Variants in GPC5 observed in about 807,000 individuals in gnomAD.
The protein encoded by GPC5 is glypican-5.
Under a neutral mutation model 53.9 loss-of-function variants are expected in GPC5, and 47 were observed. That is an observed-to-expected ratio of 0.87 (90% CI 0.69 to 1.11). The LOEUF is 1.11. Ranked by LOEUF, GPC5 falls within the 50% of genes most tolerant of loss-of-function variation. The pLI is 0.00. For missense variants in GPC5, 748 were observed against 713.1 expected (o/e 1.05, Z -0.56); for synonymous variants, 286 against 263.3 (o/e 1.09, Z -0.84).
chr13:92,106,941 C>T (rs1490856420), intron 6 of GPC5, among the ~76,000 whole-genome samples: 1 of 152,072 alleles, frequency 6.6e-6, no homozygotes, highest in Non-Finnish European at 1.5e-5. Flanking sequence ...TTTGAGACTA[C>T]AGTAATTCTT....
chr13:91,628,855 G>A (rs1368967069), intron 2 of GPC5, among the ~76,000 whole-genome samples: 2 of 152,158 alleles, frequency 1.3e-5, no homozygotes, highest in African/African-American at 4.8e-5. Flanking sequence ...GGTCTGAGAA[G>A]GGGGCTCAAG....
intron 2 of GPC5, among the ~76,000 whole-genome samples, chr13:91,640,216 A>G (rs2034390409): frequency 6.6e-6 from 1 of 152,200 alleles, no homozygotes; most frequent in Admixed American, 6.5e-5. Flanking sequence ...ACAGAGTGGG[A>G]GAAAATTTTT....
intron 5 of GPC5, among the ~76,000 whole-genome samples, chr13:91,905,563 A>T (rs2039544528): frequency 6.6e-6 from 1 of 152,102 alleles, no homozygotes; most frequent in South Asian, 2.1e-4. Flanking sequence ...ATCACTGATT[A>T]TTACTTGAAG....
At chr13:92,144,081 A>T (rs2041849517) in intron 6 of GPC5, among the ~76,000 whole-genome samples, 1 of 152,200 alleles carries the variant, frequency 6.6e-6, no homozygotes, top group Non-Finnish European at 1.5e-5. Context: ...TTCTATTTAT[A>T]ACATCACCTT....
intron 6 of GPC5, among the ~76,000 whole-genome samples, chr13:92,139,901 G>T (rs186529399): frequency 6.0e-4 from 92 of 152,196 alleles, no homozygotes; most frequent in Non-Finnish European, 1.1e-3. Flanking sequence ...AATCAAAATA[G>T]ATGTATTTAG....
intron 6 of GPC5, among the ~76,000 whole-genome samples, chr13:92,129,790 C>G: frequency 6.6e-6 from 1 of 152,036 alleles, no homozygotes; most frequent in Non-Finnish European, 1.5e-5. Flanking sequence ...ATAATCTCAA[C>G]TGATGAGATT....
chr13:92,362,543 A>T (rs879499168), intron 7 of GPC5, among the ~76,000 whole-genome samples: 22 of 151,748 alleles, frequency 1.4e-4, no homozygotes, highest in Non-Finnish European at 1.3e-4. Context: ...TACCTGTCTC[A>T]GTTATAAGTG....
At chr13:92,573,809 C>T (rs1883108639) in intron 7 of GPC5, among the ~76,000 whole-genome samples, 1 of 152,142 alleles carries the variant, frequency 6.6e-6, no homozygotes, top group Admixed American at 6.6e-5. Context: ...GTGGACACTG[C>T]ATATTCCAGT....
chr13:92,665,767 A>G (rs1886546216), intron 7 of GPC5, among the ~76,000 whole-genome samples: 1 of 152,176 alleles, frequency 6.6e-6, no homozygotes, highest in African/African-American at 2.4e-5. Flanking sequence ...TAACACTTCA[A>G]AGCTTAGTCA....
intron 7 of GPC5, among the ~76,000 whole-genome samples, chr13:92,738,204 G>A (rs1446432613): frequency 3.3e-5 from 5 of 151,886 alleles, no homozygotes; most frequent in African/African-American, 1.2e-4. Flanking sequence ...TCATCTCTTT[G>A]ACAGTTTTTA....
At chr13:91,656,751 T>C (rs2034854666) in intron 2 of GPC5, among the ~76,000 whole-genome samples, 1 of 152,180 alleles carries the variant, frequency 6.6e-6, no homozygotes, top group African/African-American at 2.4e-5. Context: ...GAAGTATTAA[T>C]TTTTGGATAA....
chr13:91,519,286 T>A (rs1174181648), intron 2 of GPC5, among the ~76,000 whole-genome samples: 1 of 152,196 alleles, frequency 6.6e-6, no homozygotes, highest in South Asian at 2.1e-4. Flanking sequence ...TTTCTTTCTT[T>A]ATTTGTACAT....
intron 2 of GPC5, chr13:91,486,429 G>C (rs1328764925): frequency 6.6e-6 from 1 of 152,206 alleles, no homozygotes; most frequent in African/African-American, 2.4e-5. Flanking sequence ...AGTTTCAACT[G>C]TGTTAAACCC....
At chr13:92,836,336 T>C (rs914554213) in intron 7 of GPC5, among the ~76,000 whole-genome samples, 4 of 152,098 alleles carry the variant, frequency 2.6e-5, no homozygotes, top group African/African-American at 9.6e-5. Context: ...CTAAATATTA[T>C]GCAAGATTAG....
chr13:92,138,070 T>G (rs2041798989), intron 6 of GPC5, among the ~76,000 whole-genome samples: 1 of 152,146 alleles, frequency 6.6e-6, no homozygotes, highest in African/African-American at 2.4e-5. Flanking sequence ...GCTGTGAACC[T>G]AAAACTACTC....
In GPC5 at chr13:92,044,099, AG is replaced by A. The variant is rs147948379; in HGVS notation, c.1402-100729del. On this transcript the variant is annotated intron_variant, in intron 6 of 7. Coordinates refer to ENST00000377067, the MANE Select transcript of GPC5 (RefSeq NM_004466.6). ...TCCCCTTTGCTCTCATAAGCTCCCC[AG>A]GTCCTGGCGTTATTCTTCTTAGTTC... 4.6e-3 allele frequency among the ~76,000 whole-genome samples: 698 copies of A among 152,244 alleles called. 3 individuals carry two copies. Among genetic ancestry groups the A allele is most frequent in the African/African-American group, 0.016 (647 of 41,546 alleles).
intron 7 of GPC5, among the ~76,000 whole-genome samples, chr13:92,368,370 G>T (rs532898605): frequency 6.6e-6 from 1 of 151,624 alleles, no homozygotes; most frequent in African/African-American, 2.4e-5. Context: ...AGGGCTGGGC[G>T]TGGTTGCTCA....
chr13:92,638,095 T>G (rs1402997009), intron 7 of GPC5, among the ~76,000 whole-genome samples: 2 of 152,150 alleles, frequency 1.3e-5, no homozygotes, highest in Non-Finnish European at 2.9e-5. Flanking sequence ...GTGGGATAAC[T>G]TCAGTGGCCT....
At chr13:91,481,694 C>G (rs1883305331) in intron 2 of GPC5, among the ~76,000 whole-genome samples, 1 of 152,176 alleles carries the variant, frequency 6.6e-6, no homozygotes, top group African/African-American at 2.4e-5. Flanking sequence ...AACCTGGGCT[C>G]TACAGCTAAA....
Sources: gnomAD v4.1 joint callset for allele counts (sites outside exome capture counted in the v4.1 genomes callset) on GRCh38, gnomAD v4.1.1 for gene constraint, MANE v1.5 for transcripts, NCBI Gene and HGNC (gene_info 2026-07-23, HGNC 2026-07-21) for gene names.